Variants in CSNK2A2 observed in about 807,000 individuals in gnomAD.
CSNK2A2 encodes the protein casein kinase 2 alpha 2, also known as casein kinase II subunit alpha'.
A neutral mutation model predicts 54.0 loss-of-function variants in CSNK2A2; 8 were observed. That is an observed-to-expected ratio of 0.15 (90% confidence interval 0.09 to 0.27). CSNK2A2 has a LOEUF of 0.27. CSNK2A2 is among the 10% of genes least tolerant of loss of function. The pLI, the probability that CSNK2A2 is intolerant of heterozygous loss-of-function variation, is 1.00. For missense variants in CSNK2A2, 242 were observed against 439.4 expected, an observed-to-expected ratio of 0.55 and a Z score of 4.02; for synonymous variants, 141 against 153.9, an observed-to-expected ratio of 0.92 and a Z score of 0.62.
In CSNK2A2 at chr16:58,186,291, A is replaced by C. The variant is rs142922588; in HGVS notation, c.318+464T>G. On this transcript the variant is annotated intron_variant, in intron 3 of 11. Transcript: ENST00000262506. ...ATATGCTGATTTAAGGGAAAGAAGAAGACTTCTTCACAGGGTCAGTGGAGC... is the reference window on the plus strand; with the variant it reads ...ATATGCTGATTTAAGGGAAAGAAGACGACTTCTTCACAGGGTCAGTGGAGC... Among the ~76,000 whole-genome samples, 431 of 152,362 alleles carry C rather than the reference A, an allele frequency of 2.8e-3. 3 individuals carry two copies. The highest frequency in any genetic ancestry group is 9.4e-3 in the African/African-American group (391 of 41,584).
intron 5 of CSNK2A2, among the ~76,000 whole-genome samples, chr16:58,173,462 C>A (rs955913170): frequency 2.2e-4 from 34 of 152,158 alleles, no homozygotes; most frequent in African/African-American, 7.7e-4. Flanking sequence ...ATCCAGGACA[C>A]AAAAATCTAG....
Position 58,168,310 on chromosome 16 carries a change from C to T in CSNK2A2, c.513+300G>A, listed in dbSNP as rs554456493. Among the ~76,000 whole-genome samples, 86 of 152,236 alleles carry T rather than the reference C, an allele frequency of 5.6e-4. 2 individuals carry two copies. The South Asian group carries it at 0.011, about 19-fold the overall frequency. On this transcript the variant is annotated intron_variant, in intron 6 of 11. Transcript: ENST00000262506. The stretch of plus-strand genomic sequence containing the variant: ...TTTTAAGGCCAGGCAGATTGGTCTG[C>T]GGGTCATCAAGAAATGAAGCAGAAA...
At chr16:58,180,078 CAAAAA>C (rs71385152) in intron 4 of CSNK2A2, among the ~76,000 whole-genome samples, 8 of 91,016 alleles carry the variant, frequency 8.8e-5, no homozygotes, top group African/African-American at 2.7e-4. Flanking sequence ...GACTCCTTCT[CAAAAA>C]AAAAAAAAAA....
chr16:58,192,014 G>C (rs1962331868), intron 2 of CSNK2A2, among the ~76,000 whole-genome samples: 1 of 152,144 alleles, frequency 6.6e-6, no homozygotes, highest in African/African-American at 2.4e-5. Flanking sequence ...ACTCTCTCAG[G>C]AAAGAAAAGC....
rs372943813 is a variant in CSNK2A2 at position 58,167,192 on chromosome 16, A to T, written c.726+15T>A. 1.9e-6 allele frequency: 3 copies of T among 1,587,350 alleles called. No individual in the cohort carries two copies. Among genetic ancestry groups the T allele is most frequent in the African/African-American group, 2.7e-5 (2 of 73,916 alleles). On this transcript the variant is annotated intron_variant, in intron 8 of 11. Transcript: ENST00000262506. ...TCACCCCCAAATAAATAAGAACCAGAAAGCATTTGCTCACCTGGTCATAGT... is the reference window on the plus strand; with the variant it reads ...TCACCCCCAAATAAATAAGAACCAGTAAGCATTTGCTCACCTGGTCATAGT...
intron 2 of CSNK2A2, among the ~76,000 whole-genome samples, chr16:58,193,930 A>G (rs1409092938): frequency 1.3e-5 from 2 of 152,222 alleles, no homozygotes; most frequent in African/African-American, 4.8e-5. Context: ...AATTTTGCTC[A>G]CCAGTTTCTA....
In CSNK2A2 at chr16:58,166,688, A is replaced by C; in HGVS notation, c.727-4T>G. 6.2e-7 allele frequency: 1 copy of C among 1,607,570 alleles called. No individual in the cohort carries two copies. Among genetic ancestry groups the C allele is most frequent in the Non-Finnish European group, 8.5e-7 (1 of 1,174,374 alleles). The stretch of plus-strand genomic sequence containing the variant: ...GAACCTTGGCAATGCGAACAAGCTG[A>C]AACACAAAACAAACTGACCAAATCA... On this transcript the variant is annotated splice_region_variant and splice_polypyrimidine_tract_variant and intron_variant, in intron 8 of 11. Coordinates refer to ENST00000262506, the MANE Select transcript of CSNK2A2 (RefSeq NM_001896.4).
chr16:58,187,446 A>G (rs1478081948), intron 2 of CSNK2A2, among the ~76,000 whole-genome samples: 2 of 152,232 alleles, frequency 1.3e-5, no homozygotes, highest in African/African-American at 2.4e-5. Context: ...TGAAGAAAGA[A>G]ATGTTGAATC....
chr16:58,181,463 G>C (rs1378143155), intron 4 of CSNK2A2, among the ~76,000 whole-genome samples: 3 of 152,082 alleles, frequency 2.0e-5, no homozygotes, highest in African/African-American at 7.2e-5. Flanking sequence ...CTTGAGACAG[G>C]GGCTGATGGT....
At chr16:58,170,971 T>C (rs1483210108) in intron 5 of CSNK2A2, among the ~76,000 whole-genome samples, 2 of 152,078 alleles carry the variant, frequency 1.3e-5, no homozygotes, top group Non-Finnish European at 2.9e-5. Context: ...ACTCTTCAAG[T>C]AGAATCCCTG....
rs549457225 is a variant in CSNK2A2, at chr16:58,166,539, T to C, written c.827+45A>G. ...TGATTTTGGCTAACCTTTCCACTTC[T>C]GAAACGGGGTAAGGTAAAGCACTCT... On this transcript the variant is annotated intron_variant, in intron 9 of 11. Transcript: ENST00000262506. 4 of 1,378,040 alleles carry C rather than the reference T, an allele frequency of 2.9e-6. No homozygotes were observed. The East Asian group carries it at 6.9e-5, about 24-fold the overall frequency. 85.4% of individuals were successfully genotyped at this position (1,378,040 alleles called of 1,614,324 possible).
At chr16:58,160,568 C>G (rs974822584) in intron 11 of CSNK2A2, 1 of 152,332 alleles carries the variant, frequency 6.6e-6, no homozygotes, top group African/African-American at 2.4e-5. Flanking sequence ...CCACGAGCCC[C>G]GCGGCACCCA....
At chr16:58,169,805 C>A (rs1257729532) in intron 5 of CSNK2A2, among the ~76,000 whole-genome samples, 1 of 152,008 alleles carries the variant, frequency 6.6e-6, no homozygotes, top group Non-Finnish European at 1.5e-5. Flanking sequence ...AATCCCAGAA[C>A]TTTCGGAGGC....
chr16:58,182,706 T>C (rs1388258632), intron 4 of CSNK2A2, among the ~76,000 whole-genome samples: 1 of 152,240 alleles, frequency 6.6e-6, no homozygotes, highest in African/African-American at 2.4e-5. Flanking sequence ...GTTTCAACTT[T>C]TGCATTAGGA....
At chr16:58,177,345 C>T (rs898975943) in intron 4 of CSNK2A2, among the ~76,000 whole-genome samples, 2 of 152,180 alleles carry the variant, frequency 1.3e-5, no homozygotes, top group Admixed American at 6.5e-5. Flanking sequence ...CAATCCACTG[C>T]AAAATGCTGG....
intron 3 of CSNK2A2, among the ~76,000 whole-genome samples, chr16:58,186,189 C>T (rs1024466603): frequency 6.6e-6 from 1 of 152,178 alleles, no homozygotes; most frequent in African/African-American, 2.4e-5. Context: ...TTAAACAGCA[C>T]ATTTAAAATG....
intron 5 of CSNK2A2, chr16:58,174,120 T>C (rs1182907578): frequency 5.5e-6 from 1 of 182,186 alleles, no homozygotes; most frequent in Non-Finnish European, 1.1e-5. Flanking sequence ...ATAATCATTT[T>C]TTAAAAGTCA....
chr16:58,168,691 A>G lies in CSNK2A2; in HGVS notation c.432T>C (p.Ala144=). The part of the protein sequence containing the change: ...IRFYMYELLK[A]LDYCHSKGIM... ...TTCCCTTGCTGTGGCAGTAATCCAG[A>G]GCCTATTAGGTAAGAAAGCACAGAT... The change falls in exon 6 of 12, where the codon GCT becomes GCC. Residue 144 remains alanine (A), a splice_region_variant and synonymous_variant. Coordinates refer to ENST00000262506, the MANE Select transcript of CSNK2A2 (RefSeq NM_001896.4). 6.2e-7 allele frequency: 1 copy of G among 1,613,242 alleles called. No individual in the cohort carries two copies. The highest frequency in any genetic ancestry group is 1.3e-5 in the African/African-American group (1 of 75,022).
intron 11 of CSNK2A2, chr16:58,159,737 G>C (rs1484130841): frequency 6.6e-6 from 1 of 152,164 alleles, no homozygotes; most frequent in Non-Finnish European, 1.5e-5. Context: ...TCACAACCCA[G>C]GCAGTGTTGC....
Sources: allele counts gnomAD v4.1 joint callset (sites outside exome capture counted in the v4.1 genomes callset), GRCh38; gene constraint gnomAD v4.1.1; transcripts MANE v1.5; gene names NCBI Gene and HGNC (gene_info 2026-07-23, HGNC 2026-07-21).